Variants in FHIT observed in about 807,000 individuals in gnomAD.
FHIT encodes the protein fragile histidine triad diadenosine triphosphatase.
Under a neutral mutation model 17.9 loss-of-function variants are expected in FHIT, and 19 were observed. The ratio of observed to expected loss-of-function variants is 1.06; its 90% confidence interval spans 0.74 to 1.56. FHIT has a LOEUF of 1.56. FHIT is among the 40% of genes most tolerant of loss of function. FHIT has a pLI of 0.00. For missense variants in FHIT, 248 were observed against 189.2 expected (o/e 1.31, Z -1.82); for synonymous variants, 81 against 69.7 (o/e 1.16, Z -0.81).
chr3:60,909,543 A>G (rs1487487827), intron 3 of FHIT, among the ~76,000 whole-genome samples: 1 of 152,018 alleles, frequency 6.6e-6, no homozygotes, highest in Non-Finnish European at 1.5e-5. Context: ...CTTTTTTTGG[A>G]TACAGCACAC....
At chr3:61,008,727 A>G (rs936847540) in intron 3 of FHIT, among the ~76,000 whole-genome samples, 2 of 152,180 alleles carry the variant, frequency 1.3e-5, no homozygotes, top group Admixed American at 1.3e-4. Context: ...CTCACACTCC[A>G]ATTTTACTCA....
chr3:60,568,978 C>T (rs1223263171), intron 4 of FHIT, among the ~76,000 whole-genome samples: 3 of 146,324 alleles, frequency 2.1e-5, no homozygotes, highest in African/African-American at 2.5e-5. Flanking sequence ...GCTAGAGATT[C>T]TTTTTTTTTT....
intron 8 of FHIT, among the ~76,000 whole-genome samples, chr3:59,783,562 C>T (rs559426385): frequency 6.6e-6 from 1 of 152,344 alleles, no homozygotes; most frequent in Admixed American, 6.5e-5. Flanking sequence ...TCACCAGGCA[C>T]TTTCTGACAT....
At chr3:60,804,492 C>T (rs1369577258) in intron 4 of FHIT, among the ~76,000 whole-genome samples, 2 of 152,142 alleles carry the variant, frequency 1.3e-5, no homozygotes, top group African/African-American at 4.8e-5. Context: ...GTATTTTAAC[C>T]CATCTATGCC....
intron 3 of FHIT, among the ~76,000 whole-genome samples, chr3:60,877,937 G>A (rs1277008374): frequency 6.6e-6 from 1 of 151,958 alleles, no homozygotes; most frequent in Non-Finnish European, 1.5e-5. Flanking sequence ...CATGGAGTCT[G>A]GGATACAGAT....
intron 4 of FHIT, among the ~76,000 whole-genome samples, chr3:60,569,734 T>TATATATATATATATATATATATATATAC (rs1553654738): frequency 1.1e-4 from 5 of 44,082 alleles, no homozygotes; most frequent in Admixed American, 2.8e-4. Flanking sequence ...ACTATATATA[T>TATATATATATATATATATATATATATAC]ATATATATAT....
At chr3:60,098,975 C>G (rs940629251) in intron 5 of FHIT, among the ~76,000 whole-genome samples, 1 of 152,144 alleles carries the variant, frequency 6.6e-6, no homozygotes, top group African/African-American at 2.4e-5. Flanking sequence ...CTTGTCCTAA[C>G]TTCTAATATG....
intron 3 of FHIT, among the ~76,000 whole-genome samples, chr3:60,900,890 G>T (rs1706083007): frequency 6.6e-6 from 1 of 152,124 alleles, no homozygotes; most frequent in African/African-American, 2.4e-5. Context: ...TGATTCCCTT[G>T]CCTCAGCCTT....
chr3:60,453,690 T>C (rs1390568744), intron 5 of FHIT, among the ~76,000 whole-genome samples: 1 of 152,126 alleles, frequency 6.6e-6, no homozygotes, highest in Non-Finnish European at 1.5e-5. Context: ...GCCATGAAGA[T>C]CTCTCCCTCA....
At chr3:60,994,731 A>G (rs1025554891) in intron 3 of FHIT, among the ~76,000 whole-genome samples, 1 of 152,186 alleles carries the variant, frequency 6.6e-6, no homozygotes, top group African/African-American at 2.4e-5. Flanking sequence ...CTGGAGACCA[A>G]TAAAAAGATG....
intron 5 of FHIT, among the ~76,000 whole-genome samples, chr3:60,410,601 A>G (rs1173000438): frequency 1.3e-5 from 2 of 152,152 alleles, no homozygotes; most frequent in Non-Finnish European, 2.9e-5. Context: ...ACTACTTAAC[A>G]TATATACTGG....
intron 8 of FHIT, among the ~76,000 whole-genome samples, chr3:59,844,211 G>C (rs961489993): frequency 6.6e-6 from 1 of 152,104 alleles, no homozygotes; most frequent in Non-Finnish European, 1.5e-5. Flanking sequence ...TTCTTTTATA[G>C]CAATGGAAGA....
At chr3:60,341,534 C>G (rs1432400201) in intron 5 of FHIT, among the ~76,000 whole-genome samples, 1 of 151,974 alleles carries the variant, frequency 6.6e-6, no homozygotes, top group African/African-American at 2.4e-5. Flanking sequence ...GTTCTAAGCT[C>G]TGTTGGGATC....
intron 1 of FHIT, among the ~76,000 whole-genome samples, chr3:61,206,443 C>T (rs1454702509): frequency 6.6e-6 from 1 of 151,692 alleles, no homozygotes; most frequent in Non-Finnish European, 1.5e-5. Context: ...ATTCTTCCTA[C>T]CCATGGGCAT....
chr3:60,037,776 T>C (rs947527215), intron 5 of FHIT, among the ~76,000 whole-genome samples: 1 of 150,026 alleles, frequency 6.7e-6, no homozygotes, highest in Non-Finnish European at 1.5e-5. Flanking sequence ...TGCAGTGACA[T>C]GATCTCGGCT....
intron 5 of FHIT, among the ~76,000 whole-genome samples, chr3:60,345,929 T>C (rs1389733716): frequency 2.0e-5 from 3 of 152,240 alleles, no homozygotes; most frequent in East Asian, 3.8e-4. Context: ...TGAAGATGCA[T>C]TGGTAATTTA....
chr3:60,207,365 A>G (rs1304519439), intron 5 of FHIT, among the ~76,000 whole-genome samples: 1 of 152,154 alleles, frequency 6.6e-6, no homozygotes, highest in Non-Finnish European at 1.5e-5. Context: ...ACCACTGACA[A>G]CCTACACCTT....
chr3:59,784,914 G>A (rs1702766986), intron 8 of FHIT, among the ~76,000 whole-genome samples: 1 of 152,138 alleles, frequency 6.6e-6, no homozygotes, highest in Non-Finnish European at 1.5e-5. Flanking sequence ...AAAGAAAAGA[G>A]GTTTAGTTGG....
chr3:60,169,678 G>A (rs769762051), intron 5 of FHIT, among the ~76,000 whole-genome samples: 1 of 152,148 alleles, frequency 6.6e-6, no homozygotes. Context: ...CAGTGACAGG[G>A]AAGATTCTTC....
Sources: gnomAD v4.1 joint callset for allele counts (sites outside exome capture counted in the v4.1 genomes callset) on GRCh38, gnomAD v4.1.1 for gene constraint, MANE v1.5 for transcripts, NCBI Gene and HGNC (gene_info 2026-07-23, HGNC 2026-07-21) for gene names.